Variants in STK33 observed in about 807,000 individuals in gnomAD.
STK33 encodes serine/threonine-protein kinase 33.
In STK33, 52 loss-of-function variants were observed where a neutral mutation model predicts 58.0. The observed-to-expected ratio is 0.90, with a 90% CI of 0.72 to 1.13. STK33 has a LOEUF of 1.13. Among genes scored for constraint, STK33 ranks in the 50% most tolerant of loss-of-function variants. The pLI is 0.00. For synonymous variants in STK33, 215 were observed against 200.1 expected (o/e 1.07, Z -0.63); for missense variants, 630 against 604.2 (o/e 1.04, Z -0.45).
At chr11:8,582,283 G>C (rs1294713512) in intron 1 of STK33, among the ~76,000 whole-genome samples, 1 of 152,086 alleles carries the variant, frequency 6.6e-6, no homozygotes, top group Non-Finnish European at 1.5e-5. Context: ...AGGAACTAAG[G>C]ACAAAACTAA....
chr11:8,527,986 T>C (rs1301208726), intron 1 of STK33, among the ~76,000 whole-genome samples: 1 of 152,224 alleles, frequency 6.6e-6, no homozygotes, highest in Non-Finnish European at 1.5e-5. Flanking sequence ...AATGTGTTTT[T>C]TCATGATGTT....
At chr11:8,561,595 T>C (rs1957115683) in intron 1 of STK33, among the ~76,000 whole-genome samples, 1 of 152,210 alleles carries the variant, frequency 6.6e-6, no homozygotes, top group African/African-American at 2.4e-5. Flanking sequence ...CTGGTGGTCT[T>C]TTCCCCATGA....
At chr11:8,366,540 G>C in the STK33 span, among the ~76,000 whole-genome samples, 1 of 152,226 alleles carries the variant, frequency 6.6e-6, no homozygotes, top group Admixed American at 6.5e-5. Flanking sequence ...CCAGCCTCTA[G>C]CAGGCCAAGT....
the STK33 span, among the ~76,000 whole-genome samples, chr11:8,382,491 CAA>C: frequency 6.6e-6 from 1 of 152,210 alleles, no homozygotes; most frequent in African/African-American, 2.4e-5. Context: ...GTCTTCCCTG[CAA>C]AAGACTCAGA....
At chr11:8,405,514 T>C (rs1246080819) in intron 15 of STK33, among the ~76,000 whole-genome samples, 1 of 144,848 alleles carries the variant, frequency 6.9e-6, no homozygotes, top group African/African-American at 2.7e-5. Flanking sequence ...ATTTTCTCCC[T>C]GTCTGTGGCT....
intron 12 of STK33, among the ~76,000 whole-genome samples, chr11:8,439,079 T>G (rs1194259382): frequency 6.6e-6 from 1 of 152,198 alleles, no homozygotes; most frequent in East Asian, 1.9e-4. Context: ...ATCTTCAATA[T>G]GACCATAAAA....
At position 8,557,286 on chromosome 11, in the gene STK33, G is replaced by GAGAGGAGAGAA. The variant is rs150095375; in HGVS notation, c.-466+36796_-466+36797insTTCTCTCCTCT. ...GGAGGGGAGGGGAGGGGAGGGGAGG[G>GAGAGGAGAGAA]GAGGAGAGAAGAGGAGAGGGAGGAG... On this transcript the variant is annotated intron_variant, in intron 1 of 15. Coordinates refer to ENST00000687296, the MANE Select transcript of STK33 (RefSeq NM_001352389.2). Among the ~76,000 whole-genome samples the GAGAGGAGAGAA allele has an allele frequency of 1.3e-3, 46 of 34,304 alleles. 3 individuals carry two copies. Among genetic ancestry groups the GAGAGGAGAGAA allele is most frequent in the Non-Finnish European group, 1.7e-3 (29 of 17,184 alleles). The allele number at this position is 34,304 out of a possible 152,430, so 22.5% of individuals were successfully genotyped here.
chr11:8,429,395 C>T (rs1173433244), intron 14 of STK33, among the ~76,000 whole-genome samples: 1 of 152,192 alleles, frequency 6.6e-6, no homozygotes, highest in African/African-American at 2.4e-5. Context: ...TTCCAATCTA[C>T]AAAACCAGCA....
chr11:8,425,598 C>A (rs1284889710), intron 14 of STK33, among the ~76,000 whole-genome samples: 3 of 152,034 alleles, frequency 2.0e-5, no homozygotes, highest in Non-Finnish European at 4.4e-5. Flanking sequence ...TTAGTGTTTG[C>A]CTGATATGTC....
At chr11:8,470,801 T>A (rs938462143) in intron 6 of STK33, among the ~76,000 whole-genome samples, 2 of 152,170 alleles carry the variant, frequency 1.3e-5, no homozygotes, top group Non-Finnish European at 2.9e-5. Flanking sequence ...ACAACACTTA[T>A]TGCCATCTTA....
At chr11:8,506,253 G>C (rs1315812217) in intron 1 of STK33, among the ~76,000 whole-genome samples, 2 of 152,092 alleles carry the variant, frequency 1.3e-5, no homozygotes, top group Non-Finnish European at 1.5e-5. Context: ...TACTAACTTT[G>C]TCTTCTCAAG....
chr11:8,478,667 T>A (rs184866463), intron 2 of STK33, among the ~76,000 whole-genome samples: 1 of 152,328 alleles, frequency 6.6e-6, no homozygotes, highest in East Asian at 1.9e-4. Context: ...GCAATTTTTT[T>A]AGTTTTCTTT....
At chr11:8,372,802 G>C in the STK33 span, among the ~76,000 whole-genome samples, 1 of 152,224 alleles carries the variant, frequency 6.6e-6, no homozygotes, top group Non-Finnish European at 1.5e-5. Flanking sequence ...TTCATGTCTT[G>C]CTCTGGCTTG....
At chr11:8,472,490 G>A (rs1948869794) in intron 6 of STK33, among the ~76,000 whole-genome samples, 1 of 151,876 alleles carries the variant, frequency 6.6e-6, no homozygotes, top group Non-Finnish European at 1.5e-5. Flanking sequence ...AGGAGAGGGA[G>A]AGAGATGAAG....
chr11:8,385,995 C>T, the STK33 span, among the ~76,000 whole-genome samples: 3 of 143,816 alleles, frequency 2.1e-5, no homozygotes, highest in African/African-American at 2.7e-5. Context: ...AGGATGGTCT[C>T]GATCTCTGAC....
intron 1 of STK33, among the ~76,000 whole-genome samples, chr11:8,511,471 A>G (rs1952317753): frequency 6.6e-6 from 1 of 151,954 alleles, no homozygotes; most frequent in South Asian, 2.1e-4. Flanking sequence ...CCCTTTATTT[A>G]TTTCTCTTGT....
chr11:8,430,269 T>C (rs149998589), intron 14 of STK33, among the ~76,000 whole-genome samples: 111 of 152,358 alleles, frequency 7.3e-4, no homozygotes, highest in African/African-American at 2.5e-3. Context: ...TTTGAAAAGT[T>C]ATTTCTATCT....
intron 11 of STK33, among the ~76,000 whole-genome samples, chr11:8,446,107 G>T (rs1188865185): frequency 6.6e-6 from 1 of 152,120 alleles, no homozygotes; most frequent in Non-Finnish European, 1.5e-5. Context: ...TTAGTCTTGG[G>T]AGGGTGTATG....
At chr11:8,519,461 A>T (rs1330743789) in intron 1 of STK33, among the ~76,000 whole-genome samples, 2 of 152,222 alleles carry the variant, frequency 1.3e-5, no homozygotes, top group Admixed American at 1.3e-4. Context: ...CACATTCAAA[A>T]GCTAGCAGAA....
Sources: gnomAD v4.1 joint callset for allele counts (sites outside exome capture counted in the v4.1 genomes callset) on GRCh38, gnomAD v4.1.1 for gene constraint, MANE v1.5 for transcripts, NCBI Gene and HGNC (gene_info 2026-07-23, HGNC 2026-07-21) for gene names.